The following ZNF677 variants were observed in gnomAD, a reference collection of about 807,000 sequenced individuals.
ZNF677 encodes the protein zinc finger protein 677.
Under a neutral mutation model 8.1 loss-of-function variants are expected in ZNF677, and 5 were observed. The ratio of observed to expected loss-of-function variants is 0.62; its 90% CI spans 0.32 to 1.29. The LOEUF (loss-of-function observed/expected upper bound fraction) is 1.29. Among genes scored for constraint, ZNF677 ranks in the 50% most tolerant of loss-of-function variants. The pLI, the probability that ZNF677 is intolerant of heterozygous loss-of-function variation, is 0.05. For missense variants in ZNF677, 685 were observed against 685.9 expected, an observed-to-expected ratio of 1.00 and a Z score of 0.01; for synonymous variants, 221 against 225.6, an observed-to-expected ratio of 0.98 and a Z score of 0.18.
In ZNF677 at chr19:53,237,889, T is replaced by C. The variant is rs1400044999; in HGVS notation, c.838A>G (p.Asn280Asp). 6.2e-7 allele frequency: 1 copy of C among 1,613,396 alleles called. No individual in the cohort carries two copies. The highest frequency in any genetic ancestry group is 1.1e-5 in the South Asian group (1 of 91,078). ...KAFSKSSNLTNHQRIHSGQRP... is the reference protein window; with the variant it reads ...KAFSKSSNLTDHQRIHSGQRP... ...TGTCCAGAGTGAATTCTCTGATGATTAGTGAGGTTCGAACTTTTGCTAAAA... is the reference window on the plus strand; with the variant it reads ...TGTCCAGAGTGAATTCTCTGATGATCAGTGAGGTTCGAACTTTTGCTAAAA... The change falls in exon 5 of 5, where the codon AAT (asparagine) becomes GAT (aspartate). Residue 280 changes from asparagine to aspartate, a missense_variant. By Grantham distance (23) the Asn-to-Asp change is conservative. Coordinates refer to ENST00000598513, the MANE Select transcript of ZNF677 (RefSeq NM_182609.4).
chr19:53,241,102 A>G (rs1477343623), intron 4 of ZNF677: 1 of 152,192 alleles, frequency 6.6e-6, no homozygotes, highest in East Asian at 1.9e-4. Flanking sequence ...GAGGTTATAT[A>G]TGTTTTGAGG....
intron 4 of ZNF677, chr19:53,239,385 A>G (rs1019466439): frequency 1.3e-4 from 20 of 152,220 alleles, no homozygotes; most frequent in African/African-American, 4.6e-4. Flanking sequence ...AAATTTTGAA[A>G]TATCAGCTTC....
At position 53,237,788 on chromosome 19, in the gene ZNF677, A is replaced by G. The variant is rs2090989493; in HGVS notation, c.939T>C (p.His313=). 1 of 1,613,506 alleles carries G rather than the reference A, an allele frequency of 6.2e-7. No homozygotes were observed. The highest frequency in any genetic ancestry group is 1.1e-5 in the South Asian group (1 of 91,002). The stretch of plus-strand genomic sequence containing the variant: ...TACATTGATATGGTTTCTCTCCTGT[A>G]TGGACTCTCTGATGCCTAGTGAGGT... ...CSNLTRHQRV[H]TGEKPYQCNI... The change falls in exon 5 of 5, where the codon CAT becomes CAC. Residue 313 remains histidine (H), a synonymous_variant. Transcript: ENST00000598513.
At chr19:53,251,341 G>C (rs535519610) in intron 3 of ZNF677, among the ~76,000 whole-genome samples, 195 bp downstream of exon 3, 2 of 152,110 alleles carry the variant, frequency 1.3e-5, no homozygotes, top group African/African-American at 2.4e-5. Flanking sequence ...CATCTAAACG[G>C]AGCCTTTTCC....
chr19:53,251,679 G>A (rs1599925871), intron 2 of ZNF677, 74 bp from the exon 3 acceptor site: 1 of 1,060,878 alleles, frequency 9.4e-7, no homozygotes, highest in East Asian at 2.6e-5. Context: ...CACACAGGAA[G>A]AGGCTTGATA....
At chr19:53,238,782 C>A in intron 4 of ZNF677, 1 of 369,384 alleles carries the variant, frequency 2.7e-6, no homozygotes, top group Non-Finnish European at 4.8e-6. Flanking sequence ...GTTTAAAACA[C>A]CCTATAGCTA....
Position 53,237,191 on chromosome 19 carries a change from C to A in ZNF677, c.1536G>T (p.Glu512Asp), listed in dbSNP as rs1453892506. The A allele has an allele frequency of 6.8e-6, 11 of 1,612,544 alleles. No homozygotes were observed. In the African/African-American group the frequency reaches 9.3e-5, roughly 14 times the overall value. ...CACATTCAGTACATTTGTAAGGTTT[C>A]TCTCCAGTATGGATTTTCTTATGCT... is the stretch of plus-strand genomic sequence containing the variant. ...LTQHKKIHTG[E>D]KPYKCTECGK... The change falls in exon 5 of 5, where the codon GAG becomes GAT. Residue 512 changes from glutamate to aspartate, a missense_variant. Coordinates refer to ENST00000598513, the MANE Select transcript of ZNF677 (RefSeq NM_182609.4).
chr19:53,243,938 TTTC>T, intron 3 of ZNF677, 41 bp from the exon 4 acceptor site: 1 of 1,527,942 alleles, frequency 6.5e-7, no homozygotes, highest in Non-Finnish European at 8.8e-7. Flanking sequence ...CACAGGAAAA[TTTC>T]TTATTTTCAC....
chr19:53,248,301 A>G (rs1232693900), intron 3 of ZNF677, among the ~76,000 whole-genome samples: 5 of 152,230 alleles, frequency 3.3e-5, no homozygotes, highest in Non-Finnish European at 7.3e-5. Context: ...AGCCAGTAAC[A>G]GATTTACAAT....
rs527815287 is a variant in ZNF677, at chr19:53,238,240, T to C, written c.487A>G (p.Lys163Glu). 5.0e-6 allele frequency: 8 copies of C among 1,614,048 alleles called. No homozygotes were observed. In the African/African-American group the frequency reaches 1.1e-4, roughly 21 times the overall value. The change falls in exon 5 of 5, where the codon AAG becomes GAG. Residue 163 changes from lysine to glutamate, a missense_variant. Physicochemically the swap from Lys to Glu is moderately conservative, Grantham distance 56 (BLOSUM62 1). Transcript: ENST00000598513. ...TTTAACAAATTCCTTATAAATGGCT[T>C]GTCATGGATGAAATACTGGTGTGCA... ...DSAHQYFIHDKPFIRNLLKLK... is the reference protein window; with the variant it reads ...DSAHQYFIHDEPFIRNLLKLK...
chr19:53,253,255 C>G (rs1654610213), intron 1 of ZNF677, 99 bp from the exon 2 acceptor site: 1 of 152,156 alleles, frequency 6.6e-6, no homozygotes, highest in African/African-American at 2.4e-5. Context: ...TTAGCTCAAA[C>G]TGGTGTTGTT....
intron 1 of ZNF677, among the ~76,000 whole-genome samples, chr19:53,253,890 T>C (rs901453529): frequency 6.6e-6 from 1 of 152,144 alleles, no homozygotes; most frequent in African/African-American, 2.4e-5. Context: ...ATATTGTTAA[T>C]GTCTGTTTGC....
rs746925632 is a variant in ZNF677 at position 53,237,419 on chromosome 19, A to G, written c.1308T>C (p.Cys436=). ...PGEKPHKCNV[C]GRAFIQSSSL... is the part of the protein sequence containing the mutation. ...TTGAACTTTGGATAAAAGCCCTGCC[A>G]CACACATTACATTTGTGTGGTTTCT... The change falls in exon 5 of 5, where the codon TGT becomes TGC. Residue 436 remains cysteine (C), a synonymous_variant. Coordinates refer to ENST00000598513, the MANE Select transcript of ZNF677 (RefSeq NM_182609.4). The G allele has an allele frequency of 1.9e-6, 3 of 1,614,042 alleles. No individual in the cohort carries two copies. The Admixed American group carries it at 5.0e-5, about 27-fold the overall frequency.
In ZNF677 at chr19:53,237,758, T is replaced by C; in HGVS notation, c.969A>G (p.Ile323Met). Residue 323 changes from isoleucine (I) to methionine (M), a missense_variant, in exon 5 of 5, where the codon ATA (isoleucine) becomes ATG (methionine). Physicochemically the swap from Ile to Met is conservative, Grantham distance 10 (BLOSUM62 1). Coordinates refer to ENST00000598513, the MANE Select transcript of ZNF677 (RefSeq NM_182609.4). ...HTGEKPYQCN[I>M]CGKVCSQNSN... ...AATTTTGACTACAGACCTTGCCACA[T>C]ATATTACATTGATATGGTTTCTCTC... 1 of 1,613,804 alleles carries C rather than the reference T, an allele frequency of 6.2e-7. No individual in the cohort carries two copies. The highest frequency in any genetic ancestry group is 8.5e-7 in the Non-Finnish European group (1 of 1,179,876).
chr19:53,236,809 T>A lies in ZNF677; in HGVS notation c.*163A>T. 2 of 570,276 alleles carry A rather than the reference T, an allele frequency of 3.5e-6. No individual in the cohort carries two copies. The highest frequency in any genetic ancestry group is 5.8e-6 in the Non-Finnish European group (2 of 345,274). 35.3% of individuals were successfully genotyped at this position (570,276 alleles called of 1,614,324 possible). On this transcript the variant is annotated 3_prime_UTR_variant, in exon 5 of 5. Coordinates refer to ENST00000598513, the MANE Select transcript of ZNF677 (RefSeq NM_182609.4). ...CTCTACAGTAAGAATTCTATGATGT[T>A]CCACAAGGCTTGAACTTTGGATAAG... is the stretch of plus-strand genomic sequence containing the variant.
rs2090986747 is a variant in ZNF677 at position 53,237,631 on chromosome 19, C to CA, written c.1095dup (p.Glu366Ter). 6.2e-7 allele frequency: 1 copy of CA among 1,612,086 alleles called. No individual in the cohort carries two copies. The highest frequency in any genetic ancestry group is 8.5e-7 in the Non-Finnish European group (1 of 1,179,378). On this transcript the variant is annotated frameshift_variant, in exon 5 of 5. Coordinates refer to ENST00000598513, the MANE Select transcript of ZNF677 (RefSeq NM_182609.4). LOFTEE classifies it low-confidence loss of function (END_TRUNC). ...GGTTTCTCTCCAGTATGAATTCTTTCATGACCCCAAAGGTGTGAACGCTGG... is the reference window on the plus strand; with the variant it reads ...GGTTTCTCTCCAGTATGAATTCTTTCAATGACCCCAAAGGTGTGAACGCTGG...
At position 53,238,305 on chromosome 19, in the gene ZNF677, ATTGAGGATT is replaced by A; in HGVS notation, c.413_421del (p.Lys138_Ser140del). ...AACACTCTGCTTTAAAGAGAAATGT[ATTGAGGATT>A]TATTATGTTGTTGATCTTTTCTGTG... On this transcript the variant is annotated inframe_deletion, in exon 5 of 5. Transcript: ENST00000598513. The A allele has an allele frequency of 6.2e-7, 1 of 1,613,786 alleles. No individual in the cohort carries two copies. Among genetic ancestry groups the A allele is most frequent in the Non-Finnish European group, 8.5e-7 (1 of 1,179,854 alleles).
At chr19:53,250,119 G>T (rs976060633) in intron 3 of ZNF677, among the ~76,000 whole-genome samples, 9 of 152,084 alleles carry the variant, frequency 5.9e-5, no homozygotes, top group African/African-American at 2.2e-4. Context: ...TGATCCACCC[G>T]TCTCAGCCTC....
At chr19:53,241,664 G>C in intron 4 of ZNF677, 1 of 387,534 alleles carries the variant, frequency 2.6e-6, no homozygotes, top group Non-Finnish European at 4.6e-6. Context: ...AAACCAGAAG[G>C]TCAGAAGCAC....
Sources: gnomAD v4.1 joint callset for allele counts (sites outside exome capture counted in the v4.1 genomes callset) on GRCh38, gnomAD v4.1.1 for gene constraint, MANE v1.5 for transcripts, NCBI Gene and HGNC (gene_info 2026-07-23, HGNC 2026-07-21) for gene names.